IQCJ: variants seen among roughly 807,000 people sequenced by gnomAD.
IQCJ encodes the protein IQ domain-containing protein J.
IQCJ carries 9 observed loss-of-function variants against 11.0 expected under a neutral mutation model. The observed-to-expected ratio is 0.82, with a 90% CI of 0.49 to 1.43. The LOEUF (loss-of-function observed/expected upper bound fraction) is 1.43. Ranked by LOEUF, IQCJ falls within the 40% of genes most tolerant of loss-of-function variation. The pLI, the probability that IQCJ is intolerant of heterozygous loss-of-function variation, is 0.00. For missense variants in IQCJ, 146 were observed against 133.2 expected (o/e 1.10, Z -0.47); for synonymous variants, 55 against 51.3 (o/e 1.07, Z -0.31).
chr3:159,261,699 A>G (rs1334108492), intron 3 of IQCJ, among the ~76,000 whole-genome samples: 7 of 152,208 alleles, frequency 4.6e-5, no homozygotes, highest in Non-Finnish European at 1.0e-4. Flanking sequence ...GCAGCATGAA[A>G]ACGGACTAAT....
intron 1 of IQCJ, among the ~76,000 whole-genome samples, chr3:159,171,980 CAT>C (rs965254389): frequency 2.6e-5 from 4 of 152,246 alleles, no homozygotes; most frequent in Admixed American, 1.3e-4. Context: ...CTGACTGAAT[CAT>C]AACACTTCCA....
chr3:159,142,237 A>G (rs1169818623), intron 1 of IQCJ, among the ~76,000 whole-genome samples: 1 of 152,196 alleles, frequency 6.6e-6, no homozygotes, highest in African/African-American at 2.4e-5. Context: ...TGAACATGGT[A>G]AATCTATTTC....
intron 1 of IQCJ, among the ~76,000 whole-genome samples, chr3:159,227,904 G>A (rs968395793): frequency 1.3e-5 from 2 of 152,174 alleles, no homozygotes; most frequent in Non-Finnish European, 2.9e-5. Context: ...AGAGATAGGG[G>A]TAAAGAATGG....
At chr3:159,104,437 G>A (rs921596892) in intron 1 of IQCJ, among the ~76,000 whole-genome samples, 2 of 152,198 alleles carry the variant, frequency 1.3e-5, no homozygotes, top group Non-Finnish European at 2.9e-5. Flanking sequence ...GTCACTGTGT[G>A]TAAGTGTAAT....
intron 3 of IQCJ, among the ~76,000 whole-genome samples, chr3:159,261,797 A>T (rs1452956275): frequency 5.3e-5 from 8 of 152,052 alleles, no homozygotes; most frequent in Non-Finnish European, 1.5e-5. Flanking sequence ...TTCTGATACT[A>T]ATCACAGAAA....
chr3:159,094,401 C>T (rs958346378), intron 1 of IQCJ, among the ~76,000 whole-genome samples: 1 of 136,710 alleles, frequency 7.3e-6, no homozygotes, highest in East Asian at 2.1e-4. Context: ...TAATTCTCTG[C>T]AGTTTTTTGT....
chr3:159,112,644 C>G (rs1718704077), intron 1 of IQCJ, among the ~76,000 whole-genome samples: 2 of 152,146 alleles, frequency 1.3e-5, no homozygotes, highest in Admixed American at 1.3e-4. Flanking sequence ...TGCAGTGTGA[C>G]AGACCTGGAT....
chr3:159,089,046 A>G (rs1289562357), intron 1 of IQCJ, among the ~76,000 whole-genome samples: 1 of 152,094 alleles, frequency 6.6e-6, no homozygotes, highest in African/African-American at 2.4e-5. Flanking sequence ...ATGATTTTGC[A>G]GTGGCTGGTA....
At chr3:159,115,746 C>A (rs1577018102) in intron 1 of IQCJ, among the ~76,000 whole-genome samples, 1 of 152,056 alleles carries the variant, frequency 6.6e-6, no homozygotes, top group Admixed American at 6.5e-5. Flanking sequence ...CATAGGGAGA[C>A]CCATCTCTAA....
intron 1 of IQCJ, among the ~76,000 whole-genome samples, chr3:159,205,768 C>T: frequency 6.6e-6 from 1 of 152,138 alleles, no homozygotes; most frequent in East Asian, 1.9e-4. Context: ...TTGTGACATC[C>T]AGGAATTAGG....
chr3:159,182,854 TCTTTAA>T (rs1388021815), intron 1 of IQCJ, among the ~76,000 whole-genome samples: 1 of 151,594 alleles, frequency 6.6e-6, no homozygotes, highest in Non-Finnish European at 1.5e-5. Flanking sequence ...CAGGGGTCAA[TCTTTAA>T]CTACCAGGCC....
intron 1 of IQCJ, among the ~76,000 whole-genome samples, chr3:159,103,161 A>T (rs975792865): frequency 2.6e-5 from 4 of 152,196 alleles, no homozygotes; most frequent in African/African-American, 9.6e-5. Flanking sequence ...ATTCACAAAG[A>T]TTTCACCTGA....
chr3:159,206,282 C>CCG (rs1453997305), intron 1 of IQCJ, among the ~76,000 whole-genome samples: 34 of 152,062 alleles, frequency 2.2e-4, no homozygotes, highest in Non-Finnish European at 4.3e-4. Flanking sequence ...CCGTTTTTTT[C>CCG]TAGCCCTCTC....
chr3:159,085,782 A>C (rs1264611349), intron 1 of IQCJ, among the ~76,000 whole-genome samples: 2 of 150,360 alleles, frequency 1.3e-5, no homozygotes, highest in African/African-American at 4.9e-5. Flanking sequence ...TTTTCTTGTA[A>C]ATTTGTTTGA....
At chr3:159,244,174 T>C (rs543369870) in intron 1 of IQCJ, among the ~76,000 whole-genome samples, 34 of 152,262 alleles carry the variant, frequency 2.2e-4, no homozygotes, top group Middle Eastern at 3.4e-3. Flanking sequence ...GTGGATATCA[T>C]ATTCGAGTAG....
chr3:159,249,806 A>G (rs982409595), intron 2 of IQCJ, among the ~76,000 whole-genome samples: 3 of 152,188 alleles, frequency 2.0e-5, no homozygotes, highest in African/African-American at 7.2e-5. Flanking sequence ...TGAATGCTCA[A>G]CAGGGTTTTG....
At chr3:159,069,838 C>G in intron 1 of IQCJ, 1 of 428,496 alleles carries the variant, frequency 2.3e-6, no homozygotes, top group Admixed American at 2.6e-5. Context: ...AAAAGCCCTC[C>G]TTTCTTGTGT....
chr3:159,211,246 G>A (rs1415990960), intron 1 of IQCJ, among the ~76,000 whole-genome samples: 3 of 152,180 alleles, frequency 2.0e-5, no homozygotes, highest in African/African-American at 4.8e-5. Flanking sequence ...TTGTGGATGA[G>A]GAAGGCCAGG....
At chr3:159,165,714 A>C (rs1272716898) in intron 1 of IQCJ, among the ~76,000 whole-genome samples, 2 of 151,696 alleles carry the variant, frequency 1.3e-5, no homozygotes, top group Non-Finnish European at 2.9e-5. Context: ...CCCGGGTTCA[A>C]GCAATTCTCC....
Sources: gnomAD v4.1 joint callset for allele counts (sites outside exome capture counted in the v4.1 genomes callset) on GRCh38, gnomAD v4.1.1 for gene constraint, MANE v1.5 for transcripts, NCBI Gene and HGNC (gene_info 2026-07-23, HGNC 2026-07-21) for gene names.